The following DCC variants were observed in gnomAD, a reference collection of about 807,000 sequenced individuals.
DCC encodes netrin receptor DCC.
A neutral mutation model predicts 172.5 loss-of-function variants in DCC; 58 were observed. That is an observed-to-expected ratio of 0.34 (90% confidence interval 0.27 to 0.42). The LOEUF is 0.42. Among genes scored for constraint, DCC ranks in the 10% least tolerant of loss-of-function variants. DCC has a pLI of 1.00. For missense variants in DCC, 1,740 were observed against 1,791.0 expected, an observed-to-expected ratio of 0.97 and a Z score of 0.51; for synonymous variants, 709 against 644.5, an observed-to-expected ratio of 1.10 and a Z score of -1.52.
chr18:52,418,216 T>C (rs925158001), intron 1 of DCC, among the ~76,000 whole-genome samples: 2 of 152,216 alleles, frequency 1.3e-5, no homozygotes, highest in Non-Finnish European at 2.9e-5. Flanking sequence ...AGAGAAATCT[T>C]AATTTCCTCT....
At chr18:52,737,244 A>G (rs1287703159) in intron 1 of DCC, among the ~76,000 whole-genome samples, 1 of 152,110 alleles carries the variant, frequency 6.6e-6, no homozygotes, top group African/African-American at 2.4e-5. Flanking sequence ...CACAACCAGG[A>G]ATGGTAAATA....
intron 1 of DCC, among the ~76,000 whole-genome samples, chr18:52,370,987 G>T (rs1364364048): frequency 2.0e-5 from 3 of 152,186 alleles, no homozygotes; most frequent in Admixed American, 6.5e-5. Flanking sequence ...GCATGCTAGA[G>T]GTTGGTGGAA....
At chr18:52,849,447 T>G (rs2038942363) in intron 2 of DCC, among the ~76,000 whole-genome samples, 1 of 152,228 alleles carries the variant, frequency 6.6e-6, no homozygotes, top group Non-Finnish European at 1.5e-5. Flanking sequence ...GGGAAAACTT[T>G]ACTCATAATC....
chr18:53,219,060 GTT>G (rs1214350037), intron 12 of DCC, among the ~76,000 whole-genome samples: 1 of 152,064 alleles, frequency 6.6e-6, no homozygotes, highest in Non-Finnish European at 1.5e-5. Context: ...ACGTGTCTCA[GTT>G]TTATTTATTC....
chr18:52,736,593 C>A (rs6508153), intron 1 of DCC, among the ~76,000 whole-genome samples: 40,776 of 151,992 alleles, frequency 0.27, 5,627 homozygotes, highest in Admixed American at 0.33. Flanking sequence ...TACTTGATTA[C>A]ATTAAAAGAC....
chr18:52,562,547 G>A (rs2033063437), intron 1 of DCC, among the ~76,000 whole-genome samples: 1 of 152,108 alleles, frequency 6.6e-6, no homozygotes, highest in African/African-American at 2.4e-5. Context: ...AAGAAATGAA[G>A]AGTGGTCAAT....
intron 8 of DCC, among the ~76,000 whole-genome samples, chr18:53,172,261 G>A (rs1166695299): frequency 1.3e-5 from 2 of 152,054 alleles, no homozygotes; most frequent in African/African-American, 2.4e-5. Context: ...ATAAGTAAGA[G>A]CTTAACACTG....
chr18:52,908,016 C>T (rs1348399846), intron 3 of DCC, among the ~76,000 whole-genome samples: 1 of 152,034 alleles, frequency 6.6e-6, no homozygotes, highest in Non-Finnish European at 1.5e-5. Flanking sequence ...CTCTTTTAGC[C>T]GAACTTGTAA....
At chr18:52,344,460 G>A (rs1343066398) in intron 1 of DCC, among the ~76,000 whole-genome samples, 1 of 152,134 alleles carries the variant, frequency 6.6e-6, no homozygotes, top group Non-Finnish European at 1.5e-5. Flanking sequence ...TTAATGAGAG[G>A]AAATGTTTCT....
intron 1 of DCC, among the ~76,000 whole-genome samples, chr18:52,343,697 T>C (rs1166209033): frequency 6.6e-6 from 1 of 152,234 alleles, no homozygotes; most frequent in African/African-American, 2.4e-5. Flanking sequence ...GGCATACATA[T>C]TAATTAATTC....
chr18:53,000,941 T>C (rs1220269647), intron 5 of DCC, among the ~76,000 whole-genome samples: 2 of 149,106 alleles, frequency 1.3e-5, no homozygotes, highest in South Asian at 4.2e-4. Context: ...ATTCTGAGGG[T>C]TTTTTTCCCA....
At position 52,707,970 on chromosome 18, in the gene DCC, T is replaced by C. The variant is rs151226152; in HGVS notation, c.92-44084T>C. Among the ~76,000 whole-genome samples the C allele has an allele frequency of 3.3e-5, 5 of 152,306 alleles. No homozygotes were observed. The East Asian group carries it at 9.6e-4, about 29-fold the overall frequency. ...TGGTGTCTATAGTTAAAGTGTATTA[T>C]ATAGTTGAAAATAGCTAAGAGGGTA... On this transcript the variant is annotated intron_variant, in intron 1 of 28. Transcript: ENST00000442544.
rs924694674 is a variant in DCC at position 52,434,470 on chromosome 18, A to G, written c.91+93592A>G. The stretch of plus-strand genomic sequence containing the variant: ...GATTGAGATAAAATGTTAAATTGCT[A>G]CAATTATCCATAAAATTCAACTTCC... On this transcript the variant is annotated intron_variant, in intron 1 of 28. Coordinates refer to ENST00000442544, the MANE Select transcript of DCC (RefSeq NM_005215.4). Among the ~76,000 whole-genome samples the G allele has an allele frequency of 1.2e-4, 18 of 152,316 alleles. No homozygotes were observed. In the South Asian group the frequency reaches 3.1e-3, roughly 26 times the overall value.
chr18:53,135,350 C>A (rs2043724341), intron 7 of DCC, among the ~76,000 whole-genome samples: 1 of 151,962 alleles, frequency 6.6e-6, no homozygotes, highest in South Asian at 2.1e-4. Context: ...ATTCATCACA[C>A]AAATAAATTT....
chr18:52,823,249 A>T (rs563315358), intron 2 of DCC, among the ~76,000 whole-genome samples: 2 of 152,210 alleles, frequency 1.3e-5, no homozygotes, highest in East Asian at 3.9e-4. Context: ...TGGGAAGATT[A>T]CTTGAGGCCA....
chr18:52,445,497 C>T (rs868414912), intron 1 of DCC, among the ~76,000 whole-genome samples: 3 of 152,164 alleles, frequency 2.0e-5, no homozygotes, highest in African/African-American at 7.2e-5. Context: ...AATACACCCA[C>T]TTTATATATT....
intron 15 of DCC, among the ~76,000 whole-genome samples, chr18:53,385,692 T>C (rs1375500841): frequency 6.6e-6 from 1 of 152,208 alleles, no homozygotes; most frequent in African/African-American, 2.4e-5. Flanking sequence ...TGATGTTTCT[T>C]ACACAGATGC....
At chr18:53,204,156 G>A (rs950995873) in intron 9 of DCC, among the ~76,000 whole-genome samples, 2 of 144,286 alleles carry the variant, frequency 1.4e-5, no homozygotes, top group Non-Finnish European at 3.0e-5. Flanking sequence ...TTGATTAACA[G>A]GGTGCTACTA....
chr18:53,499,198 T>C lies in DCC; in HGVS notation c.3899-100T>C. 5.1e-6 allele frequency: 6 copies of C among 1,182,032 alleles called. 1 individual carries two copies. The East Asian group carries it at 7.2e-5, about 14-fold the overall frequency. The allele number at this position is 1,182,032 out of a possible 1,614,324, so 73.2% of individuals were successfully genotyped here. A position where few individuals can be genotyped will look rare whatever the true frequency, so the allele number is the denominator to read the frequency against. On this transcript the variant is annotated intron_variant, in intron 26 of 28. Coordinates refer to ENST00000442544, the MANE Select transcript of DCC (RefSeq NM_005215.4). ...CTTGGAGAAGAGACTGACCACATCC[T>C]ATCACATCTCTCTGAATGGATGCAG...
Sources: allele counts gnomAD v4.1 joint callset (sites outside exome capture counted in the v4.1 genomes callset), GRCh38; gene constraint gnomAD v4.1.1; transcripts MANE v1.5; gene names NCBI Gene and HGNC (gene_info 2026-07-23, HGNC 2026-07-21).